ZNF860: variants seen among roughly 807,000 people sequenced by gnomAD.
The protein encoded by ZNF860 is zinc finger protein 860.
For synonymous variants in ZNF860, 206 were observed against 248.9 expected (o/e 0.83, Z 1.62); for missense variants, 641 against 759.2 (o/e 0.84, Z 1.83).
At chr3:31,993,613 A>G (rs370065671), downstream of ZNF860, among the ~76,000 whole-genome samples, 13 of 152,274 alleles carry the variant, frequency 8.5e-5, no homozygotes, top group African/African-American at 3.1e-4. Context: ...ATTACTAGTC[A>G]TTAGGGAAAT....
rs1698998019 is a variant in ZNF860, at chr3:31,989,801, G to T, written c.722G>T (p.Cys241Phe). The T allele has an allele frequency of 6.2e-7, 1 of 1,614,130 alleles. No homozygotes were observed. The highest frequency in any genetic ancestry group is 1.6e-4 in the Middle Eastern group (1 of 6,062). The change falls in exon 2 of 2, where the codon TGT becomes TTT. Residue 241 changes from cysteine (C) to phenylalanine (F), a missense_variant. Cys to Phe is a radical substitution (Grantham distance 205). Coordinates refer to ENST00000360311, the MANE Select transcript of ZNF860 (RefSeq NM_001137674.3). ...QCNESGKAFN[C>F]SSLLRKHQII... ...AATGAGAGTGGCAAAGCCTTTAATTGTAGCTCACTCTTAAGGAAACATCAG... is the reference window on the plus strand; with the variant it reads ...AATGAGAGTGGCAAAGCCTTTAATTTTAGCTCACTCTTAAGGAAACATCAG...
chr3:31,989,493 C>T lies in ZNF860; in HGVS notation c.414C>T (p.Thr138=), dbSNP rs115832100. 1.6e-3 allele frequency: 2,598 copies of T among 1,614,094 alleles called. 2 individuals carry two copies. The highest frequency in any genetic ancestry group is 2.0e-3 in the Non-Finnish European group (2,320 of 1,180,010). Residue 138 remains threonine, a synonymous_variant, in exon 2 of 2, where the codon ACC becomes ACT. Transcript: ENST00000360311. The stretch of plus-strand genomic sequence containing the variant: ...AAATCAAAAAGTTGACTGGTAGCAC[C>T]GACAGATATGATCGAAGGCATCCTG... ...MTQIKKLTGS[T]DRYDRRHPGN... is the part of the protein sequence containing the mutation.
chr3:31,996,194 C>A (rs2125527152), downstream of ZNF860, among the ~76,000 whole-genome samples: 1 of 152,250 alleles, frequency 6.6e-6, no homozygotes, highest in Non-Finnish European at 1.5e-5. Flanking sequence ...GGAAGATTAC[C>A]AAAGTGGACA....
rs1699016030 is a variant in ZNF860, at chr3:31,990,635, T to A, written c.1556T>A (p.Phe519Tyr). Residue 519 changes from phenylalanine (F) to tyrosine (Y), a missense_variant, in exon 2 of 2, where the codon TTT becomes TAT. Transcript: ENST00000360311. ...AAGTGTAATGAATGTGGCAAGGTTT[T>A]TAATCAACAAGCAACCCTTGCACGT... Reference protein sequence around the residue: ...PYKCNECGKVFNQQATLARHH... With the variant: ...PYKCNECGKVYNQQATLARHH... 6.2e-7 allele frequency: 1 copy of A among 1,614,176 alleles called. No homozygotes were observed. Among genetic ancestry groups the A allele is most frequent in the East Asian group, 2.2e-5 (1 of 44,868 alleles).
Position 31,989,451 on chromosome 3 carries a change from T to C in ZNF860, c.372T>C (p.His124=). 1 of 1,614,182 alleles carries C rather than the reference T, an allele frequency of 6.2e-7. No individual in the cohort carries two copies. Among genetic ancestry groups the C allele is most frequent in the South Asian group, 1.1e-5 (1 of 91,078 alleles). The change falls in exon 2 of 2, where the codon CAT becomes CAC. Residue 124 remains histidine, a synonymous_variant. Coordinates refer to ENST00000360311, the MANE Select transcript of ZNF860 (RefSeq NM_001137674.3). The stretch of plus-strand genomic sequence containing the variant: ...GGCAAGAAGACAAAAGAAATAGCCA[T>C]GAAGCAACTATGACACAAATCAAAA... The part of the protein sequence containing the change: ...FQWQEDKRNS[H]EATMTQIKKL...
At chr3:31,986,231 T>C (rs915073650) in intron 1 of ZNF860, 1 of 152,238 alleles carries the variant, frequency 6.6e-6, no homozygotes, top group Non-Finnish European at 1.5e-5. Context: ...TACATGTTTA[T>C]TGCATGATAA....
chr3:31,998,678 T>A, the ZNF860 span, among the ~76,000 whole-genome samples: 1 of 152,236 alleles, frequency 6.6e-6, no homozygotes, highest in Admixed American at 6.5e-5. Flanking sequence ...TTCTTGCCAA[T>A]TGGCTATCCA....
chr3:31,987,702 C>T (rs1324296440), intron 1 of ZNF860, among the ~76,000 whole-genome samples: 1 of 152,134 alleles, frequency 6.6e-6, no homozygotes, highest in Non-Finnish European at 1.5e-5. Flanking sequence ...GAGAGGAAGC[C>T]GGAAGGACCT....
chr3:31,998,189 T>A, the ZNF860 span, among the ~76,000 whole-genome samples: 1 of 152,198 alleles, frequency 6.6e-6, no homozygotes, highest in African/African-American at 2.4e-5. Context: ...ACTTAGTAAA[T>A]GGTAAAGTAC....
rs1698855062 is a variant in ZNF860, at chr3:31,981,848, G to A, written c.-475G>A. On this transcript the variant is annotated 5_prime_UTR_variant, in exon 1 of 2. Transcript: ENST00000360311. This position sits in a 1 kb window ranked among gnomAD's most constrained non-coding sequence, Gnocchi z 4.5. ...ACCGGCGGAGCAAAGTCACAGCTCA[G>A]GGAGGCCCTCCGCGTTGTCTGGCGG... The A allele has an allele frequency of 6.6e-6, 1 of 152,404 alleles. No homozygotes were observed. Among genetic ancestry groups the A allele is most frequent in the Admixed American group, 6.5e-5 (1 of 15,294 alleles). 9.4% of individuals were successfully genotyped at this position (152,404 alleles called of 1,614,324 possible). A position where few individuals can be genotyped will look rare whatever the true frequency, so the allele number is the denominator to read the frequency against.
At chr3:31,993,036 T>C (rs927161114), downstream of ZNF860, among the ~76,000 whole-genome samples, 3 of 152,016 alleles carry the variant, frequency 2.0e-5, no homozygotes, top group Non-Finnish European at 2.9e-5. Flanking sequence ...ATATTTACTC[T>C]ACAAAAGATA....
At chr3:31,986,950 T>A (rs764762588) in intron 1 of ZNF860, among the ~76,000 whole-genome samples, 6 of 152,134 alleles carry the variant, frequency 3.9e-5, no homozygotes, top group Non-Finnish European at 7.3e-5. Flanking sequence ...GAGGCTGCAG[T>A]GAGCTATGAT....
At chr3:31,983,783 T>C (rs564143986) in intron 1 of ZNF860, among the ~76,000 whole-genome samples, 34 of 152,320 alleles carry the variant, frequency 2.2e-4, no homozygotes, top group African/African-American at 8.2e-4. Context: ...AGAATTATGT[T>C]TGGAGAGGAA....
chr3:31,991,183 T>C lies in ZNF860; in HGVS notation c.*205T>C, dbSNP rs111514380. ...GGATTGGGCTGGGCAGGGTGGCTTATACCTGTAATCCCAGCACTGTGGGAG... is the reference window on the plus strand; with the variant it reads ...GGATTGGGCTGGGCAGGGTGGCTTACACCTGTAATCCCAGCACTGTGGGAG... On this transcript the variant is annotated 3_prime_UTR_variant, in exon 2 of 2. Transcript: ENST00000360311. The C allele has an allele frequency of 1.0e-3, 618 of 598,272 alleles. 6 individuals carry two copies. The highest frequency in any genetic ancestry group is 9.2e-3 in the African/African-American group (490 of 53,470). 37.1% of individuals were successfully genotyped at this position (598,272 alleles called of 1,614,324 possible). A position where few individuals can be genotyped will look rare whatever the true frequency, so the allele number is the denominator to read the frequency against.
chr3:32,002,783 G>GTCTAAGATTTTAGAGAAAAAAGGTTT, the ZNF860 span, among the ~76,000 whole-genome samples: 1 of 152,288 alleles, frequency 6.6e-6, no homozygotes, highest in Admixed American at 6.5e-5. Context: ...ACTACAGTGT[G>GTCTAAGATTTTAGAGAAAAAAGGTTT]CCCCTTGGGA....
chr3:31,998,331 C>T, the ZNF860 span, among the ~76,000 whole-genome samples: 213 of 152,220 alleles, frequency 1.4e-3, no homozygotes, highest in African/African-American at 4.9e-3. Context: ...TCACCACTGG[C>T]GACTCACCCT....
rs759593619 is a variant in ZNF860 at position 31,990,724 on chromosome 3, C to T, written c.1645C>T (p.Arg549Cys). Residue 549 changes from arginine to cysteine, a missense_variant, in exon 2 of 2, where the codon CGC becomes TGC. Coordinates refer to ENST00000360311, the MANE Select transcript of ZNF860 (RefSeq NM_001137674.3). ...KCEECDTVFS[R>C]KSHHETHKRI... ...TGAAGAATGTGACACAGTTTTCAGT[C>T]GCAAATCACACCATGAAACACATAA... is the stretch of plus-strand genomic sequence containing the variant. 9.9e-6 allele frequency: 16 copies of T among 1,613,880 alleles called. No individual in the cohort carries two copies. The highest frequency in any genetic ancestry group is 1.4e-5 in the Non-Finnish European group (16 of 1,179,938).
the ZNF860 span, among the ~76,000 whole-genome samples, chr3:32,001,239 G>A: frequency 6.6e-6 from 1 of 152,134 alleles, no homozygotes; most frequent in East Asian, 1.9e-4. Context: ...CATTCAGCCT[G>A]GATGTGTCCC....
Position 31,990,758 on chromosome 3 carries a change from A to C in ZNF860, c.1679A>C (p.His560Pro). Reference sequence around the variant, plus strand: ...CACCATGAAACACATAAGAGAATTCATACTGGAGAGAAACCTTACAAATGT... The same window carrying C: ...CACCATGAAACACATAAGAGAATTCCTACTGGAGAGAAACCTTACAAATGT... ...KSHHETHKRI[H>P]TGEKPYKCDD... Residue 560 changes from histidine to proline, a missense_variant, in exon 2 of 2, where the codon CAT becomes CCT. His to Pro is a moderately conservative substitution (Grantham distance 77). Coordinates refer to ENST00000360311, the MANE Select transcript of ZNF860 (RefSeq NM_001137674.3). The C allele has an allele frequency of 6.2e-7, 1 of 1,613,964 alleles. No individual in the cohort carries two copies. The highest frequency in any genetic ancestry group is 8.5e-7 in the Non-Finnish European group (1 of 1,179,854).
Sources: allele counts gnomAD v4.1 joint callset (sites outside exome capture counted in the v4.1 genomes callset), GRCh38; gene constraint gnomAD v4.1.1; non-coding constraint Gnocchi (gnomAD v3.1); transcripts MANE v1.5; gene names NCBI Gene and HGNC (gene_info 2026-07-23, HGNC 2026-07-21).